Variants in KCTD1 observed in about 807,000 individuals in gnomAD.
KCTD1 encodes potassium channel tetramerization domain containing 1.
In KCTD1, 24 loss-of-function variants were observed where a neutral mutation model predicts 66.0. That is an observed-to-expected ratio of 0.36 (90% confidence interval 0.26 to 0.51). The LOEUF (loss-of-function observed/expected upper bound fraction) is 0.51, where lower values mean the gene tolerates loss of function less well. KCTD1 is among the 20% of genes least tolerant of loss of function. The pLI is 0.95. For missense variants in KCTD1, 943 were observed against 1,205.2 expected (o/e 0.78, Z 3.22); for synonymous variants, 511 against 517.2 (o/e 0.99, Z 0.16).
chr18:26,619,818 G>A (rs1409544372), intron 1 of KCTD1, among the ~76,000 whole-genome samples: 1 of 152,206 alleles, frequency 6.6e-6, no homozygotes, highest in Non-Finnish European at 1.5e-5. Context: ...TTATTCTTGA[G>A]AAGCCACCAA....
intron 1 of KCTD1, chr18:26,657,227 G>T (rs1433284305): frequency 6.2e-6 from 4 of 648,004 alleles, no homozygotes; most frequent in Non-Finnish European, 7.7e-6. Flanking sequence ...CGCCCGCCGC[G>T]GCGGGCGGCG....
intron 1 of KCTD1, among the ~76,000 whole-genome samples, chr18:26,647,664 A>G (rs1193384626): frequency 1.3e-5 from 2 of 151,994 alleles, no homozygotes; most frequent in Non-Finnish European, 2.9e-5. Flanking sequence ...TCCAGATCCT[A>G]AAACCTGCCT....
At chr18:26,599,408 G>A (rs1451137188) in intron 1 of KCTD1, 38 of 1,611,192 alleles carry the variant, frequency 2.4e-5, no homozygotes, top group Non-Finnish European at 2.9e-5. Flanking sequence ...CTGCAAGAAT[G>A]GCAGATTTTG....
chr18:26,493,087 G>T (rs1982290139), intron 2 of KCTD1, among the ~76,000 whole-genome samples: 1 of 152,216 alleles, frequency 6.6e-6, no homozygotes, highest in Non-Finnish European at 1.5e-5. Context: ...GATACAGGAT[G>T]AAACCTCCCT....
chr18:26,568,444 C>G (rs1207837969), intron 1 of KCTD1, among the ~76,000 whole-genome samples: 1 of 151,922 alleles, frequency 6.6e-6, no homozygotes, highest in African/African-American at 2.4e-5. Context: ...GCCATGTTGC[C>G]CAGGCTGGTC....
At chr18:26,623,455 T>C (rs1987432960) in intron 1 of KCTD1, among the ~76,000 whole-genome samples, 1 of 152,166 alleles carries the variant, frequency 6.6e-6, no homozygotes, top group Admixed American at 6.5e-5. Flanking sequence ...ACCCCCATGC[T>C]GCTGTTCTCA....
chr18:26,558,163 A>G (rs911007796), intron 1 of KCTD1, among the ~76,000 whole-genome samples: 1 of 152,232 alleles, frequency 6.6e-6, no homozygotes, highest in Non-Finnish European at 1.5e-5. Context: ...TACATTTCTC[A>G]AAAGAAGACA....
At chr18:26,591,501 C>T (rs929742927) in intron 1 of KCTD1, 2 of 152,210 alleles carry the variant, frequency 1.3e-5, no homozygotes, top group African/African-American at 4.8e-5. Context: ...GATTGAACCG[C>T]AAGTCCATCT....
chr18:26,593,883 A>AAGG (rs112814577), intron 1 of KCTD1, among the ~76,000 whole-genome samples: 33,524 of 94,052 alleles, frequency 0.36, 4,301 homozygotes, highest in East Asian at 0.41. Flanking sequence ...AGAGGAAGAT[A>AAGG]AGGAGGAGGA....
intron 3 of KCTD1, among the ~76,000 whole-genome samples, chr18:26,473,418 G>C (rs1004830972): frequency 1.3e-5 from 2 of 152,038 alleles, no homozygotes; most frequent in Non-Finnish European, 2.9e-5. Flanking sequence ...GCAGGGATAG[G>C]GGGAGGGAGA....
chr18:26,528,235 T>G (rs1383148744), intron 1 of KCTD1, among the ~76,000 whole-genome samples: 1 of 152,192 alleles, frequency 6.6e-6, no homozygotes, highest in Non-Finnish European at 1.5e-5. Context: ...TCTGGTTGAA[T>G]GAGGAACAGC....
chr18:26,555,338 T>C (rs1985681001), intron 1 of KCTD1, among the ~76,000 whole-genome samples: 1 of 152,176 alleles, frequency 6.6e-6, no homozygotes, highest in Admixed American at 6.5e-5. Context: ...TACAGGAAAA[T>C]CGCTTGAACC....
rs1260338944 is a variant in KCTD1 at position 26,547,123 on chromosome 18, C to T, written c.1414G>A (p.Gly472Ser). 2 of 1,550,338 alleles carry T rather than the reference C, an allele frequency of 1.3e-6. No individual in the cohort carries two copies. The highest frequency in any genetic ancestry group is 2.0e-5 in the Admixed American group (1 of 51,006). ...NSIAGIGTKLGSPAPQGCYAE... is the reference protein window; with the variant it reads ...NSIAGIGTKLSSPAPQGCYAE... The stretch of plus-strand genomic sequence containing the variant: ...TAGCAGCCCTGCGGGGCGGGCGAGC[C>T]CAGCTTGGTGCCAATGCCCGCGATG... The change falls in exon 1 of 5, where the codon GGC becomes AGC. Residue 472 changes from glycine (G) to serine (S), a missense_variant. Transcript: ENST00000580059.
chr18:26,641,465 T>TG (rs758804205), upstream of KCTD1, among the ~76,000 whole-genome samples: 6 of 152,254 alleles, frequency 3.9e-5, no homozygotes, highest in Non-Finnish European at 8.8e-5. Flanking sequence ...TATTCTTTCC[T>TG]GTTGGGCTAG....
At chr18:26,645,791 A>C (rs1257235521) in intron 1 of KCTD1, among the ~76,000 whole-genome samples, 1 of 151,450 alleles carries the variant, frequency 6.6e-6, no homozygotes, top group African/African-American at 2.4e-5. Flanking sequence ...CTCGGACAGC[A>C]GCATCAGCAT....
intron 1 of KCTD1, among the ~76,000 whole-genome samples, chr18:26,529,399 T>C (rs1984329072): frequency 6.6e-6 from 1 of 152,228 alleles, no homozygotes; most frequent in South Asian, 2.1e-4. Context: ...CTCTCTAGGC[T>C]ACAAGCCCGT....
intron 1 of KCTD1, among the ~76,000 whole-genome samples, chr18:26,579,796 G>A (rs987239718): frequency 7.9e-5 from 12 of 152,154 alleles, no homozygotes; most frequent in Non-Finnish European, 1.5e-4. Context: ...GACTCCAGCT[G>A]GAAGGGGAAA....
At chr18:26,638,306 T>C (rs1325546220) in intron 1 of KCTD1, among the ~76,000 whole-genome samples, 2 of 152,198 alleles carry the variant, frequency 1.3e-5, no homozygotes, top group African/African-American at 4.8e-5. Flanking sequence ...CCTCCTTTAA[T>C]ATTTTATTTA....
At chr18:26,627,999 C>T (rs1055376459) in intron 1 of KCTD1, among the ~76,000 whole-genome samples, 2 of 152,178 alleles carry the variant, frequency 1.3e-5, no homozygotes, top group Admixed American at 6.5e-5. Context: ...TTGGCCCCCA[C>T]CCCAGTTCCC....
Sources: gnomAD v4.1 joint callset for allele counts (sites outside exome capture counted in the v4.1 genomes callset) on GRCh38, gnomAD v4.1.1 for gene constraint, MANE v1.5 for transcripts, NCBI Gene and HGNC (gene_info 2026-07-23, HGNC 2026-07-21) for gene names.